Variants in RIMS2 observed in about 807,000 individuals in gnomAD.
RIMS2 encodes regulating synaptic membrane exocytosis 2.
A neutral mutation model predicts 174.4 loss-of-function variants in RIMS2; 59 were observed. That is an observed-to-expected ratio of 0.34 (90% CI 0.27 to 0.42). RIMS2 has a LOEUF of 0.42. Among genes scored for constraint, RIMS2 ranks in the 10% least tolerant of loss-of-function variants. The pLI is 1.00. For missense variants in RIMS2, 1,620 were observed against 1,666.3 expected, an observed-to-expected ratio of 0.97 and a Z score of 0.48; for synonymous variants, 606 against 572.5, an observed-to-expected ratio of 1.06 and a Z score of -0.84.
chr8:103,694,785 G>GA (rs2097078725), intron 1 of RIMS2, among the ~76,000 whole-genome samples: 1 of 152,212 alleles, frequency 6.6e-6, no homozygotes, highest in Admixed American at 6.5e-5. Context: ...CTGATACTGG[G>GA]TTGTGCCTGA....
At chr8:104,075,887 T>A (rs769638393) in intron 19 of RIMS2, among the ~76,000 whole-genome samples, 3 of 152,188 alleles carry the variant, frequency 2.0e-5, no homozygotes, top group African/African-American at 7.2e-5. Flanking sequence ...AGGATACATT[T>A]GACCAAGTAT....
At chr8:104,162,261 A>G (rs756289847) in intron 19 of RIMS2, among the ~76,000 whole-genome samples, 9 of 152,176 alleles carry the variant, frequency 5.9e-5, no homozygotes, top group Non-Finnish European at 4.4e-5. Context: ...TGCATCCTGT[A>G]TGCTTCCTGG....
rs111832872 is a variant in RIMS2 at position 104,200,279 on chromosome 8, T to C, written c.3335-44637T>C. ...AAGTAGGAGTAAAATTGGAAAGATCTTTGATTGGAAGCCCTGAATTCCAAG... is the reference window on the plus strand; with the variant it reads ...AAGTAGGAGTAAAATTGGAAAGATCCTTGATTGGAAGCCCTGAATTCCAAG... On this transcript the variant is annotated intron_variant, in intron 19 of 23. Transcript: ENST00000504942. Among the ~76,000 whole-genome samples, 646 of 152,324 alleles carry C rather than the reference T, an allele frequency of 4.2e-3. 3 individuals carry two copies. Among genetic ancestry groups the C allele is most frequent in the African/African-American group, 0.015 (603 of 41,568 alleles).
intron 1 of RIMS2, among the ~76,000 whole-genome samples, chr8:103,646,708 G>T (rs1254711386): frequency 6.6e-6 from 1 of 151,868 alleles, no homozygotes; most frequent in Non-Finnish European, 1.5e-5. Flanking sequence ...CTTTATCCAT[G>T]TCCCTGCAAA....
At chr8:104,031,026 C>T (rs2096381268) in intron 19 of RIMS2, among the ~76,000 whole-genome samples, 1 of 152,032 alleles carries the variant, frequency 6.6e-6, no homozygotes, top group Non-Finnish European at 1.5e-5. Flanking sequence ...TGATTGTTAA[C>T]CACATGAGAA....
intron 1 of RIMS2, among the ~76,000 whole-genome samples, chr8:103,579,274 GACAC>G (rs781702059): frequency 4.0e-5 from 6 of 149,024 alleles, no homozygotes; most frequent in Non-Finnish European, 7.5e-5. Context: ...CACACACACA[GACAC>G]ACACACACAC....
chr8:103,597,170 AAAG>A (rs1232607201), intron 1 of RIMS2, among the ~76,000 whole-genome samples: 1 of 152,162 alleles, frequency 6.6e-6, no homozygotes, highest in African/African-American at 2.4e-5. Flanking sequence ...TATTGGTAGA[AAAG>A]AAGTGCTAAT....
intron 19 of RIMS2, among the ~76,000 whole-genome samples, chr8:104,085,237 A>G (rs570552308): frequency 1.3e-5 from 2 of 152,344 alleles, no homozygotes; most frequent in African/African-American, 2.4e-5. Flanking sequence ...CTGTCTTCCT[A>G]TTCTCCTTTC....
At chr8:103,718,605 G>A (rs1005715385) in intron 2 of RIMS2, among the ~76,000 whole-genome samples, 5 of 152,074 alleles carry the variant, frequency 3.3e-5, no homozygotes, top group Non-Finnish European at 7.4e-5. Flanking sequence ...CATATGGAAT[G>A]TTGAGTAGCT....
At chr8:103,519,234 G>A (rs548847506) in intron 1 of RIMS2, among the ~76,000 whole-genome samples, 1 of 152,116 alleles carries the variant, frequency 6.6e-6, no homozygotes, top group Non-Finnish European at 1.5e-5. Context: ...AACCAAATCA[G>A]TGTTGCTTTC....
Position 104,089,916 on chromosome 8 carries a change from C to A in RIMS2, c.3334+75301C>A, listed in dbSNP as rs534350584. Among the ~76,000 whole-genome samples, 8 of 151,696 alleles carry A rather than the reference C, an allele frequency of 5.3e-5. No individual in the cohort carries two copies. The East Asian group carries it at 1.5e-3, about 29-fold the overall frequency. On this transcript the variant is annotated intron_variant, in intron 19 of 23. Transcript: ENST00000504942. ...TTATCTCCCTAGTAAGAAGGCTAAA[C>A]CTCAGAGTTTAAGTTAAATCTTTGA... is the stretch of plus-strand genomic sequence containing the variant.
At chr8:103,606,437 G>A (rs2095085793) in intron 1 of RIMS2, among the ~76,000 whole-genome samples, 2 of 151,880 alleles carry the variant, frequency 1.3e-5, no homozygotes, top group South Asian at 4.2e-4. Context: ...GGTCAATTTT[G>A]GAATAAGTGT....
chr8:103,614,408 A>G (rs2095458190), intron 1 of RIMS2, among the ~76,000 whole-genome samples: 1 of 152,200 alleles, frequency 6.6e-6, no homozygotes, highest in Admixed American at 6.5e-5. Context: ...TTGCTAGTGC[A>G]TTGGAGAGGT....
At chr8:103,818,988 T>G (rs1445201979) in intron 3 of RIMS2, among the ~76,000 whole-genome samples, 1 of 152,144 alleles carries the variant, frequency 6.6e-6, no homozygotes, top group East Asian at 1.9e-4. Flanking sequence ...TATATGCTGT[T>G]GCTGGAGTTG....
At chr8:103,848,412 A>G (rs527510178) in intron 3 of RIMS2, among the ~76,000 whole-genome samples, 1 of 152,042 alleles carries the variant, frequency 6.6e-6, no homozygotes, top group South Asian at 2.1e-4. Context: ...TGTCCAAGTC[A>G]CATGTTTGGG....
intron 3 of RIMS2, among the ~76,000 whole-genome samples, chr8:103,859,148 A>C (rs1392184665): frequency 6.6e-6 from 1 of 152,152 alleles, no homozygotes; most frequent in East Asian, 1.9e-4. Flanking sequence ...ATCTCATTGA[A>C]AAAAGTTCTG....
rs868302209 is a variant in RIMS2 at position 104,057,674 on chromosome 8, C to T, written c.3334+43059C>T. 1.9e-4 allele frequency among the ~76,000 whole-genome samples: 28 copies of T among 149,728 alleles called. No individual in the cohort carries two copies. The Middle Eastern group carries it at 0.01, about 55-fold the overall frequency. On this transcript the variant is annotated intron_variant, in intron 19 of 23. Transcript: ENST00000504942. ...TGCTGGTGTGCTGCACCCATTAACT[C>T]GTCATTTAGCATTAGGTATATCTCC...
intron 1 of RIMS2, chr8:103,559,401 T>C (rs2091213191): frequency 5.6e-6 from 2 of 354,532 alleles, no homozygotes; most frequent in South Asian, 4.6e-5. Flanking sequence ...CGGTGGAGCA[T>C]GCCAGTGATC....
intron 1 of RIMS2, among the ~76,000 whole-genome samples, chr8:103,577,166 A>C (rs1180815948): frequency 6.6e-6 from 1 of 152,250 alleles, no homozygotes; most frequent in Non-Finnish European, 1.5e-5. Context: ...AAATTTTTGC[A>C]ATATATCCAT....
Sources: allele counts gnomAD v4.1 joint callset (sites outside exome capture counted in the v4.1 genomes callset), GRCh38; gene constraint gnomAD v4.1.1; transcripts MANE v1.5; gene names NCBI Gene and HGNC (gene_info 2026-07-23, HGNC 2026-07-21).